KCNU1: variants seen among roughly 807,000 people sequenced by gnomAD.
The protein encoded by KCNU1 is potassium channel subfamily U member 1.
A neutral mutation model predicts 126.8 loss-of-function variants in KCNU1; 93 were observed. The ratio of observed to expected loss-of-function variants is 0.73; its 90% CI spans 0.62 to 0.87. KCNU1 has a LOEUF of 0.87. Ranked by LOEUF, KCNU1 falls within the 40% of genes least tolerant of loss-of-function variation. KCNU1 has a pLI of 0.00. For missense variants in KCNU1, 1,330 were observed against 1,367.1 expected (o/e 0.97, Z 0.43); for synonymous variants, 523 against 494.2 (o/e 1.06, Z -0.77).
At chr8:36,823,836 CT>C (rs11364462) in intron 10 of KCNU1, among the ~76,000 whole-genome samples, 32,190 of 129,210 alleles carry the variant, frequency 0.25, 3,218 homozygotes, top group African/African-American at 0.33. Context: ...TTGTTCAAAC[CT>C]TTTTTTTTTT....
At chr8:36,789,954 G>A (rs1223960097) in intron 2 of KCNU1, among the ~76,000 whole-genome samples, 1 of 152,154 alleles carries the variant, frequency 6.6e-6, no homozygotes, top group Non-Finnish European at 1.5e-5. Flanking sequence ...ATGGCACAGT[G>A]TCTTAAGATT....
intron 19 of KCNU1, among the ~76,000 whole-genome samples, chr8:36,899,145 T>C (rs1023448512): frequency 1.3e-5 from 2 of 152,066 alleles, no homozygotes; most frequent in Non-Finnish European, 2.9e-5. Context: ...TTTTTACTCA[T>C]CAGAAATAAA....
intron 2 of KCNU1, among the ~76,000 whole-genome samples, chr8:36,799,310 A>AATTTCGCCAT (rs1368619563): frequency 6.6e-6 from 1 of 151,700 alleles, no homozygotes; most frequent in Non-Finnish European, 1.5e-5. Context: ...CAAAATCTGA[A>AATTTCGCCAT]ATTTCGCCAT....
At chr8:36,843,452 C>T (rs1203342156) in intron 16 of KCNU1, among the ~76,000 whole-genome samples, 1 of 152,160 alleles carries the variant, frequency 6.6e-6, no homozygotes, top group African/African-American at 2.4e-5. Flanking sequence ...CTTGAATAAT[C>T]CTCACAACAG....
At chr8:36,857,618 GTTGT>G (rs1371939586) in intron 18 of KCNU1, among the ~76,000 whole-genome samples, 3 of 137,378 alleles carry the variant, frequency 2.2e-5, no homozygotes, top group South Asian at 4.6e-4. Context: ...TTGTTTGTTT[GTTGT>G]TTGTTTTTTG....
chr8:36,829,854 G>A (rs139907135), intron 10 of KCNU1, among the ~76,000 whole-genome samples: 57 of 150,976 alleles, frequency 3.8e-4, no homozygotes, highest in African/African-American at 1.4e-3. Context: ...TAGGTACTTG[G>A]TATTTTCTGA....
At chr8:36,932,737 T>A (rs1808737419) in intron 25 of KCNU1, among the ~76,000 whole-genome samples, 183 bp from the exon 26 acceptor site, 1 of 152,100 alleles carries the variant, frequency 6.6e-6, no homozygotes, top group Non-Finnish European at 1.5e-5. Context: ...ATCACTGGGA[T>A]TAGAGTTTCA....
At chr8:36,805,816 G>A (rs187918698) in intron 4 of KCNU1, among the ~76,000 whole-genome samples, 290 of 152,106 alleles carry the variant, frequency 1.9e-3, no homozygotes, top group Middle Eastern at 6.8e-3. Context: ...ACACATATAT[G>A]TATGTATATA....
intron 2 of KCNU1, among the ~76,000 whole-genome samples, chr8:36,797,855 C>G (rs892824667): frequency 6.6e-6 from 1 of 152,172 alleles, no homozygotes; most frequent in African/African-American, 2.4e-5. Flanking sequence ...ATGCCAGGTA[C>G]TAAGCTATTG....
At chr8:36,834,150 T>C (rs1303819647) in intron 11 of KCNU1, among the ~76,000 whole-genome samples, 1 of 152,142 alleles carries the variant, frequency 6.6e-6, no homozygotes, top group Non-Finnish European at 1.5e-5. Context: ...CAGCCAACCC[T>C]CTAGACAGGT....
intron 6 of KCNU1, among the ~76,000 whole-genome samples, chr8:36,807,660 T>G (rs1029096033): frequency 4.6e-5 from 7 of 151,936 alleles, no homozygotes; most frequent in Non-Finnish European, 8.8e-5. Flanking sequence ...TTTAAAGAGC[T>G]GGTTTAGTCT....
At chr8:36,807,719 G>T (rs1219541861) in intron 6 of KCNU1, among the ~76,000 whole-genome samples, 3 of 147,450 alleles carry the variant, frequency 2.0e-5, no homozygotes, top group Admixed American at 6.8e-5. Context: ...TTAATTCTAG[G>T]TCCCTCCACC....
chr8:36,817,600 A>T (rs2130476016), intron 9 of KCNU1, 50 bp from the exon 10 acceptor site: 1 of 859,432 alleles, frequency 1.2e-6, no homozygotes, highest in East Asian at 2.5e-5. Flanking sequence ...GCTGACAGGA[A>T]GGTGCTTATG....
intron 10 of KCNU1, among the ~76,000 whole-genome samples, chr8:36,819,911 T>C (rs1804059232): frequency 6.6e-6 from 1 of 152,156 alleles, no homozygotes; most frequent in Admixed American, 6.6e-5. Context: ...ATTTGATAAA[T>C]AGAACACAGA....
intron 2 of KCNU1, among the ~76,000 whole-genome samples, chr8:36,801,210 A>G (rs1262541869): frequency 1.3e-5 from 2 of 152,228 alleles, no homozygotes; most frequent in African/African-American, 2.4e-5. Flanking sequence ...CCTGCTTTAG[A>G]TAATAGGAAA....
chr8:36,888,562 C>T (rs1451297625), intron 19 of KCNU1: 3 of 533,604 alleles, frequency 5.6e-6, no homozygotes, highest in Non-Finnish European at 1.2e-5. Context: ...ATGGGCTGTG[C>T]CTGGAAGTGG....
At chr8:36,926,036 T>G (rs1428645681) in intron 24 of KCNU1, among the ~76,000 whole-genome samples, 1 of 152,140 alleles carries the variant, frequency 6.6e-6, no homozygotes, top group Non-Finnish European at 1.5e-5. Context: ...TTAGATGAGT[T>G]TTCTTGTTGA....
chr8:36,837,971 G>C (rs1256776155), intron 14 of KCNU1, among the ~76,000 whole-genome samples: 1 of 152,076 alleles, frequency 6.6e-6, no homozygotes, highest in East Asian at 1.9e-4. Flanking sequence ...CTTCCCTGGT[G>C]CTATTTAACG....
intron 19 of KCNU1, among the ~76,000 whole-genome samples, chr8:36,869,028 C>T (rs1806007710): frequency 6.6e-6 from 1 of 152,092 alleles, no homozygotes. Flanking sequence ...ATTTACTATT[C>T]TCTGCTTCTT....
Sources: gnomAD v4.1 joint callset for allele counts (sites outside exome capture counted in the v4.1 genomes callset) on GRCh38, gnomAD v4.1.1 for gene constraint, MANE v1.5 for transcripts, NCBI Gene and HGNC (gene_info 2026-07-23, HGNC 2026-07-21) for gene names.